DMD: variants seen among roughly 807,000 people sequenced by gnomAD.
The protein encoded by DMD is dystrophin, also known as mutant dystrophin.
Under a neutral mutation model 330.1 loss-of-function variants are expected in DMD, and 63 were observed. The ratio of observed to expected loss-of-function variants is 0.19; its 90% confidence interval spans 0.16 to 0.24. The LOEUF (loss-of-function observed/expected upper bound fraction) is 0.24. Among genes scored for constraint, DMD ranks in the 10% least tolerant of loss-of-function variants. DMD has a pLI of 1.00. For missense variants in DMD, 3,344 were observed against 2,684.1 expected, an observed-to-expected ratio of 1.25 and a Z score of -5.43; for synonymous variants, 1,223 against 959.8, an observed-to-expected ratio of 1.27 and a Z score of -5.07.
chrX:32,720,752 C>G (rs1489642087), intron 7 of DMD, among the ~76,000 whole-genome samples: 1 of 111,370 alleles, frequency 9.0e-6, no homozygotes, highest in Non-Finnish European at 1.9e-5. Context: ...GATCAAAACA[C>G]TACATTTTAC....
chrX:32,255,044 C>G (rs1362346046), intron 43 of DMD, among the ~76,000 whole-genome samples: 3 of 111,890 alleles, frequency 2.7e-5, no homozygotes, highest in Non-Finnish European at 3.8e-5. Context: ...AACTATTTGT[C>G]TAAGAATTTA....
chrX:32,161,997 A>G (rs1401103614), intron 44 of DMD, among the ~76,000 whole-genome samples: 1 of 111,557 alleles, frequency 9.0e-6, no homozygotes, highest in African/African-American at 3.3e-5. Flanking sequence ...AGGCTTCAAA[A>G]AGAAAGAAAA....
chrX:33,268,408 A>G (rs2053087110), intron 1 of DMD, among the ~76,000 whole-genome samples: 1 of 112,000 alleles, frequency 8.9e-6, no homozygotes, highest in South Asian at 3.7e-4. Context: ...AACAAAGTAA[A>G]CAGATAATCT....
chrX:32,940,529 A>G (rs779139950), intron 2 of DMD, among the ~76,000 whole-genome samples: 1 of 111,647 alleles, frequency 9.0e-6, no homozygotes, highest in South Asian at 3.7e-4. Flanking sequence ...CAGCCATATG[A>G]TTTTCAACAA....
At chrX:33,085,604 C>T (rs139723877) in intron 1 of DMD, among the ~76,000 whole-genome samples, 3,824 of 111,972 alleles carry the variant, frequency 0.034, 116 homozygotes, top group African/African-American at 0.091. Context: ...TTCAAAACAA[C>T]CTCATTTTGT....
intron 6 of DMD, among the ~76,000 whole-genome samples, chrX:32,815,520 T>TATATATATATATACAC: frequency 7.6e-5 from 6 of 78,957 alleles, no homozygotes; most frequent in African/African-American, 3.2e-4. Context: ...TATATATATA[T>TATATATATATATACAC]ACACACACAC....
rs576146188 is a variant in DMD at position 33,081,671 on chromosome X, C to G, written c.32-61471G>C. ...CCCGTCCTTCATGGGAGTCTGATCT[C>G]CCAGTGGAGGGTGAGGAATGTTTCC... On this transcript the variant is annotated intron_variant, in intron 1 of 78. Coordinates refer to ENST00000357033, the MANE Select transcript of DMD (RefSeq NM_004006.3). 1.1e-4 allele frequency among the ~76,000 whole-genome samples: 12 copies of G among 112,179 alleles called. No homozygotes were observed. The South Asian group carries it at 4.1e-3, about 38-fold the overall frequency.
intron 1 of DMD, among the ~76,000 whole-genome samples, chrX:33,250,534 A>G (rs925605058): frequency 1.8e-5 from 2 of 110,991 alleles, no homozygotes; most frequent in South Asian, 3.8e-4. Context: ...GTATTAGAAG[A>G]CACACATATA....
At chrX:32,615,020 G>A (rs1359935511) in intron 11 of DMD, among the ~76,000 whole-genome samples, 3 of 111,008 alleles carry the variant, frequency 2.7e-5, no homozygotes, top group East Asian at 2.8e-4. Context: ...CTACACTACC[G>A]AATCATTAGA....
intron 51 of DMD, among the ~76,000 whole-genome samples, chrX:31,762,616 G>C (rs1018963181): frequency 2.4e-4 from 27 of 111,481 alleles, no homozygotes; most frequent in African/African-American, 8.2e-4. Flanking sequence ...AAAGTCTCAT[G>C]TTGGAGATGA....
At chrX:31,898,985 T>G (rs1291026447) in intron 47 of DMD, among the ~76,000 whole-genome samples, 1 of 112,286 alleles carries the variant, frequency 8.9e-6, no homozygotes, top group African/African-American at 3.2e-5. Flanking sequence ...GAATACTGTC[T>G]GCTTAATTTC....
intron 57 of DMD, among the ~76,000 whole-genome samples, chrX:31,480,173 G>T (rs2068147528): frequency 9.0e-6 from 1 of 111,565 alleles, no homozygotes; most frequent in African/African-American, 3.3e-5. Flanking sequence ...TCTTTCACTG[G>T]GGAAAAACAA....
chrX:32,743,331 T>G (rs1183840146), intron 7 of DMD, among the ~76,000 whole-genome samples: 1 of 111,899 alleles, frequency 8.9e-6, no homozygotes, highest in Non-Finnish European at 1.9e-5. Flanking sequence ...TAGTCTTCAT[T>G]GACTTTCCTT....
At chrX:31,407,610 T>C (rs1473694664) in intron 60 of DMD, among the ~76,000 whole-genome samples, 2 of 106,088 alleles carry the variant, frequency 1.9e-5, no homozygotes, top group Non-Finnish European at 3.9e-5. Context: ...TAGCTGGGAC[T>C]ACAGGCACCC....
chrX:31,342,376 T>G (rs1360547348), intron 61 of DMD, among the ~76,000 whole-genome samples: 1 of 112,177 alleles, frequency 8.9e-6, no homozygotes, highest in Non-Finnish European at 1.9e-5. Context: ...AATTAACTGG[T>G]GTGCCTGAAA....
chrX:33,005,855 T>A (rs1317601275), intron 2 of DMD, among the ~76,000 whole-genome samples: 2 of 111,044 alleles, frequency 1.8e-5, no homozygotes, highest in Non-Finnish European at 3.8e-5. Flanking sequence ...GTAGAAAATC[T>A]GAAAGAATCG....
At chrX:32,320,459 G>A (rs1317737739) in intron 41 of DMD, among the ~76,000 whole-genome samples, 22 of 111,706 alleles carry the variant, frequency 2.0e-4, no homozygotes, top group African/African-American at 6.8e-4. Flanking sequence ...GTTTTTACTA[G>A]CCATGTTTTA....
At position 33,139,868 on chromosome X, in the gene DMD, T is replaced by TAAAAAAAA. The variant is rs3990971; in HGVS notation, c.31+71406_31+71413dup. 3.9e-4 allele frequency among the ~76,000 whole-genome samples: 25 copies of TAAAAAAAA among 64,348 alleles called. 1 individual carries two copies. The highest frequency in any genetic ancestry group is 2.0e-3 in the African/African-American group (25 of 12,512). 55.9% of individuals were successfully genotyped at this position (64,348 alleles called of 115,157 possible). On this transcript the variant is annotated intron_variant, in intron 1 of 78. Coordinates refer to ENST00000357033, the MANE Select transcript of DMD (RefSeq NM_004006.3). ...GAATTGACTAATACAGCCCCATCGC[T>TAAAAAAAA]AAAAAAAAAAAAAAAAAAAAAAAAA...
At chrX:33,299,157 A>T (rs1224240934) in intron 1 of DMD, among the ~76,000 whole-genome samples, 3 of 110,704 alleles carry the variant, frequency 2.7e-5, no homozygotes, top group Non-Finnish European at 5.7e-5. Context: ...TTTTATTCTA[A>T]TTTTTTTTTC....
Sources: allele counts gnomAD v4.1 joint callset (sites outside exome capture counted in the v4.1 genomes callset), GRCh38; gene constraint gnomAD v4.1.1; transcripts MANE v1.5; gene names NCBI Gene and HGNC (gene_info 2026-07-23, HGNC 2026-07-21).